GRAMD4: variants seen among roughly 807,000 people sequenced by gnomAD.
The protein encoded by GRAMD4 is GRAM domain containing 4, also known as GRAM domain-containing protein 4.
Under a neutral mutation model 83.9 loss-of-function variants are expected in GRAMD4, and 25 were observed. The ratio of observed to expected loss-of-function variants is 0.30; its 90% CI spans 0.22 to 0.42. The LOEUF is 0.42. GRAMD4 is among the 10% of genes least tolerant of loss of function. GRAMD4 has a pLI of 1.00. For missense variants in GRAMD4, 593 were observed against 788.7 expected (o/e 0.75, Z 2.97); for synonymous variants, 336 against 320.9 (o/e 1.05, Z -0.50).
At position 46,582,892 on chromosome 22, in the gene GRAMD4, A is replaced by T. The variant is rs150363373; in HGVS notation, c.-50+5602A>T. On this transcript the variant is annotated intron_variant, in intron 1 of 1. Transcript: ENST00000431155. ...TCTAGACACTTTAGGCACTCCCTGG[A>T]CCCTTCCTCCCTGCCTGTGGTGACC... 3.6e-3 allele frequency among the ~76,000 whole-genome samples: 544 copies of T among 152,128 alleles called. 4 individuals are homozygous for T. Among genetic ancestry groups the T allele is most frequent in the African/African-American group, 0.013 (527 of 41,506 alleles).
chr22:46,606,669 C>T (rs924800312), intron 1 of GRAMD4, among the ~76,000 whole-genome samples: 5 of 150,388 alleles, frequency 3.3e-5, no homozygotes, highest in African/African-American at 9.8e-5. Context: ...GTTTATTGAC[C>T]GGTGCTGAGC....
chr22:46,665,558 G>A, intron 8 of GRAMD4, 57 bp from the exon 9 acceptor site: 2 of 941,922 alleles, frequency 2.1e-6, no homozygotes, highest in East Asian at 2.5e-5. Flanking sequence ...CGGGAGGGAT[G>A]TGCCTTGTCC....
intron 15 of GRAMD4, 153 bp from the exon 16 acceptor site, chr22:46,674,504 C>G: frequency 1.4e-6 from 1 of 690,692 alleles, no homozygotes. Context: ...GGCCACCTCA[C>G]TCTTGCCGGC....
At chr22:46,615,616 G>T (rs539325579), upstream of GRAMD4, among the ~76,000 whole-genome samples, 1 of 101,166 alleles carries the variant, frequency 9.9e-6, no homozygotes, top group African/African-American at 4.2e-5. Context: ...TTCCCCGTGC[G>T]TGTAGGTTCC....
chr22:46,600,593 G>A (rs1191804312), intron 1 of GRAMD4, among the ~76,000 whole-genome samples: 1 of 152,138 alleles, frequency 6.6e-6, no homozygotes, highest in African/African-American at 2.4e-5. Context: ...CAGTGCACAG[G>A]CAGGCATGGA....
intron 1 of GRAMD4, among the ~76,000 whole-genome samples, chr22:46,578,709 G>A (rs963211335): frequency 6.6e-6 from 1 of 152,180 alleles, no homozygotes; most frequent in Admixed American, 6.5e-5. Flanking sequence ...CCTGTTGTTA[G>A]CTGGGACTCC....
chr22:46,597,855 A>C (rs1254763942), intron 1 of GRAMD4, among the ~76,000 whole-genome samples: 1 of 152,174 alleles, frequency 6.6e-6, no homozygotes, highest in East Asian at 1.9e-4. Flanking sequence ...TTCTGGGGGC[A>C]AGTTTAGGTG....
At chr22:46,617,667 C>T (rs2081522525), upstream of GRAMD4, among the ~76,000 whole-genome samples, 1 of 152,150 alleles carries the variant, frequency 6.6e-6, no homozygotes, top group Non-Finnish European at 1.5e-5. Flanking sequence ...TCCCAGTCTT[C>T]CTGACTGTCT....
At chr22:46,667,865 G>A (rs921667980) in intron 10 of GRAMD4, among the ~76,000 whole-genome samples, 5 of 152,226 alleles carry the variant, frequency 3.3e-5, no homozygotes, top group Non-Finnish European at 7.3e-5. Context: ...TGCAGGGGCG[G>A]CTCTGCCCCA....
At chr22:46,617,125 C>T (rs1249508097), upstream of GRAMD4, among the ~76,000 whole-genome samples, 1 of 118,008 alleles carries the variant, frequency 8.5e-6, no homozygotes, top group Non-Finnish European at 1.8e-5. Flanking sequence ...TAGGTTCCCC[C>T]ATGTGTAGGT....
Position 46,679,385 on chromosome 22 carries a change from G to A in GRAMD4, c.*2134G>A, listed in dbSNP as rs377537401. 1 of 985,298 alleles carries A rather than the reference G, an allele frequency of 1.0e-6. No individual in the cohort carries two copies. The highest frequency in any genetic ancestry group is 1.2e-6 in the Non-Finnish European group (1 of 829,910). The allele number at this position is 985,298 out of a possible 1,614,324, so 61.0% of individuals were successfully genotyped here. On this transcript the variant is annotated 3_prime_UTR_variant, in exon 19 of 19. Transcript: ENST00000406902. ...GGAGGGCCACATTCGGGGAGCGGGG[G>A]GTCGGGGGAGGGCCACCGACTGGCT... is the stretch of plus-strand genomic sequence containing the variant.
intron 1 of GRAMD4, among the ~76,000 whole-genome samples, chr22:46,612,966 C>G (rs960386769): frequency 6.6e-6 from 1 of 152,248 alleles, no homozygotes; most frequent in Non-Finnish European, 1.5e-5. Context: ...CACCCGTGGA[C>G]TTTGGGCTTG....
chr22:46,582,366 C>T (rs934036867), intron 1 of GRAMD4, among the ~76,000 whole-genome samples: 1 of 152,012 alleles, frequency 6.6e-6, no homozygotes, highest in East Asian at 1.9e-4. Context: ...AACGGCTCAG[C>T]CTCTCTTGGT....
At chr22:46,635,796 CCCA>C (rs1223522529) in intron 2 of GRAMD4, among the ~76,000 whole-genome samples, 2 of 81,738 alleles carry the variant, frequency 2.4e-5, no homozygotes, top group Non-Finnish European at 5.3e-5. Flanking sequence ...CTCCCTGCCC[CCCA>C]CCCCCCCGGC....
chr22:46,596,078 G>A (rs1039377882), intron 1 of GRAMD4, among the ~76,000 whole-genome samples: 3 of 152,244 alleles, frequency 2.0e-5, no homozygotes, highest in Non-Finnish European at 1.5e-5. Flanking sequence ...CTGAGGACAC[G>A]TTGTTGGAAT....
intron 1 of GRAMD4, among the ~76,000 whole-genome samples, chr22:46,605,548 A>G (rs1184751412): frequency 6.6e-6 from 1 of 152,244 alleles, no homozygotes; most frequent in African/African-American, 2.4e-5. Flanking sequence ...CAGCAGCTGC[A>G]CCATTTTATA....
rs374135524 is a variant in GRAMD4, at chr22:46,672,795, C to G, written c.1085-48C>G. 4.7e-6 allele frequency: 7 copies of G among 1,496,468 alleles called. No individual in the cohort carries two copies. The highest frequency in any genetic ancestry group is 1.4e-5 in the African/African-American group (1 of 72,568). 92.7% of individuals were successfully genotyped at this position (1,496,468 alleles called of 1,614,324 possible). A position where few individuals can be genotyped will look rare whatever the true frequency, so the allele number is the denominator to read the frequency against. On this transcript the variant is annotated intron_variant, in intron 13 of 18. Coordinates refer to ENST00000406902, the MANE Select transcript of GRAMD4 (RefSeq NM_015124.5). The surrounding 1 kb of genome is among the most constrained non-coding windows in gnomAD (Gnocchi z 4.7). ...GGAACCATCACCCTGAGTAGACTGG[C>G]ATAGCTGCAGAGCTCTAGATGGAGC...
At position 46,622,963 on chromosome 22, in the gene GRAMD4, T is replaced by G. The variant is rs1161592284; in HGVS notation, c.-50+2398T>G. Among the ~76,000 whole-genome samples the G allele has an allele frequency of 6.6e-6, 1 of 151,016 alleles. No homozygotes were observed. Among genetic ancestry groups the G allele is most frequent in the Non-Finnish European group, 1.5e-5 (1 of 67,842 alleles). On this transcript the variant is annotated intron_variant, in intron 1 of 18. Coordinates refer to ENST00000406902, the MANE Select transcript of GRAMD4 (RefSeq NM_015124.5). The surrounding 1 kb of genome is among the most constrained non-coding windows in gnomAD (Gnocchi z 4.0). The stretch of plus-strand genomic sequence containing the variant: ...AAATTGGTAATATTTATATTATGTG[T>G]GTTTTACCGTAATTAAAAAATATTG...
At chr22:46,673,528 C>A in intron 14 of GRAMD4, 142 bp from the exon 15 acceptor site, 3 of 1,025,744 alleles carry the variant, frequency 2.9e-6, no homozygotes, top group Non-Finnish European at 4.3e-6. Context: ...GAAGAAGGAG[C>A]CGCTCTGGGC....
Sources: allele counts gnomAD v4.1 joint callset (sites outside exome capture counted in the v4.1 genomes callset), GRCh38; gene constraint gnomAD v4.1.1; non-coding constraint Gnocchi (gnomAD v3.1); transcripts MANE v1.5; gene names NCBI Gene and HGNC (gene_info 2026-07-23, HGNC 2026-07-21).